IQCM: variants seen among roughly 807,000 people sequenced by gnomAD.
The protein encoded by IQCM is IQ motif containing M.
A neutral mutation model predicts 57.6 loss-of-function variants in IQCM; 45 were observed. That is an observed-to-expected ratio of 0.78 (90% confidence interval 0.62 to 1.00). The LOEUF is 1.00. Among genes scored for constraint, IQCM ranks in the 50% least tolerant of loss-of-function variants. The pLI is 0.00. For synonymous variants in IQCM, 148 were observed against 158.9 expected (o/e 0.93, Z 0.51); for missense variants, 468 against 511.6 (o/e 0.91, Z 0.82).
chr4:149,736,622 A>G (rs924468494), intron 3 of IQCM, among the ~76,000 whole-genome samples: 2 of 152,164 alleles, frequency 1.3e-5, no homozygotes, highest in African/African-American at 4.8e-5. Flanking sequence ...TCTTCATGTG[A>G]ATCAAAACTA....
chr4:149,613,808 G>T (rs902443363), intron 8 of IQCM, among the ~76,000 whole-genome samples: 4 of 152,094 alleles, frequency 2.6e-5, no homozygotes, highest in Admixed American at 6.6e-5. Flanking sequence ...CTATGAGTGA[G>T]AACATGCGGT....
At chr4:149,627,939 A>G (rs1238679589) in intron 7 of IQCM, among the ~76,000 whole-genome samples, 1 of 152,120 alleles carries the variant, frequency 6.6e-6, no homozygotes, top group Non-Finnish European at 1.5e-5. Context: ...AAGGGCTCAT[A>G]AGTCAAGGAA....
intron 12 of IQCM, among the ~76,000 whole-genome samples, chr4:149,533,276 T>G (rs1746934120): frequency 6.6e-6 from 1 of 151,942 alleles, no homozygotes; most frequent in African/African-American, 2.4e-5. Context: ...TTCTGACATA[T>G]AAAAAAGAAA....
At chr4:149,525,978 C>A (rs1388695582) in intron 12 of IQCM, among the ~76,000 whole-genome samples, 3 of 151,744 alleles carry the variant, frequency 2.0e-5, no homozygotes, top group Admixed American at 1.3e-4. Context: ...TGAAGAGCAA[C>A]TATATATCAC....
intron 7 of IQCM, among the ~76,000 whole-genome samples, chr4:149,658,556 G>C (rs957566719): frequency 6.6e-6 from 1 of 151,512 alleles, no homozygotes; most frequent in Non-Finnish European, 1.5e-5. Context: ...TATTTTCATA[G>C]GGTTGCTTCA....
At chr4:149,770,713 C>G (rs1323876034) in intron 2 of IQCM, among the ~76,000 whole-genome samples, 2 of 151,994 alleles carry the variant, frequency 1.3e-5, no homozygotes, top group Non-Finnish European at 2.9e-5. Flanking sequence ...ACAAGTTTGA[C>G]AAAATTCAAT....
At chr4:149,417,166 A>G (rs1733802300) in intron 13 of IQCM, among the ~76,000 whole-genome samples, 1 of 152,174 alleles carries the variant, frequency 6.6e-6, no homozygotes, top group Admixed American at 6.6e-5. Flanking sequence ...TCAAAACTCA[A>G]TTCAAGATTG....
chr4:149,741,648 G>A (rs998979124), intron 3 of IQCM, among the ~76,000 whole-genome samples: 2 of 152,204 alleles, frequency 1.3e-5, no homozygotes, highest in African/African-American at 2.4e-5. Flanking sequence ...CAGGAGCCAA[G>A]AGGAAGTAGC....
intron 11 of IQCM, 28 bp from the exon 12 acceptor site, chr4:149,548,617 TA>T (rs1748696167): frequency 7.9e-6 from 9 of 1,139,778 alleles, no homozygotes; most frequent in African/African-American, 4.8e-5. Flanking sequence ...TAAAAGAAAA[TA>T]TTTTTTTAAA....
rs564915394 is a variant in IQCM at position 149,403,311 on chromosome 4, T to C, written c.1390+30085A>G. On this transcript the variant is annotated intron_variant, in intron 13 of 13. Coordinates refer to ENST00000636793, the MANE Select transcript of IQCM (RefSeq NM_001363507.2). ...GGAATACAAATTATGTCCAAAGCAC[T>C]TACGTAGTTGGCAGAAGTATTTTCT... Among the ~76,000 whole-genome samples the C allele has an allele frequency of 2.6e-5, 4 of 152,110 alleles. No individual in the cohort carries two copies. The South Asian group carries it at 6.2e-4, about 24-fold the overall frequency.
chr4:149,445,546 T>A (rs951390102), intron 12 of IQCM, among the ~76,000 whole-genome samples: 1 of 151,814 alleles, frequency 6.6e-6, no homozygotes, highest in East Asian at 1.9e-4. Flanking sequence ...ACAGCCTCAC[T>A]TTCTGGTCAA....
Position 149,414,335 on chromosome 4 carries a change from G to A in IQCM, c.1390+19061C>T, listed in dbSNP as rs190060819. ...ATAAAAGATGATTTTGCCCAAAACC[G>A]ATGCCTCAAATTACCTCAGGAGTAA... On this transcript the variant is annotated intron_variant, in intron 13 of 13. Coordinates refer to ENST00000636793, the MANE Select transcript of IQCM (RefSeq NM_001363507.2). Among the ~76,000 whole-genome samples, 307 of 152,202 alleles carry A rather than the reference G, an allele frequency of 2.0e-3. 2 individuals carry two copies. The highest frequency in any genetic ancestry group is 0.014 in the Middle Eastern group (4 of 294).
chr4:149,383,993 A>T (rs770449534), intron 13 of IQCM, among the ~76,000 whole-genome samples: 1 of 152,114 alleles, frequency 6.6e-6, no homozygotes, highest in African/African-American at 2.4e-5. Context: ...CCTTTATTAG[A>T]TGTTCTTATA....
intron 8 of IQCM, among the ~76,000 whole-genome samples, chr4:149,605,740 A>G (rs372954172): frequency 3.3e-5 from 5 of 152,246 alleles, no homozygotes; most frequent in Admixed American, 1.3e-4. Flanking sequence ...ACATGACTCA[A>G]TGTGACACCA....
Position 149,620,377 on chromosome 4 carries a change from G to GA in IQCM, c.681+751dup, listed in dbSNP as rs374977714. On this transcript the variant is annotated intron_variant, in intron 8 of 13. Transcript: ENST00000636793. ...TAATAACAGCAAATGGCAAGTCCAG[G>GA]AAAAAAAAATCAGTGATATGAAAAG... 1.4e-3 allele frequency among the ~76,000 whole-genome samples: 205 copies of GA among 149,844 alleles called. 1 individual carries two copies. Among genetic ancestry groups the GA allele is most frequent in the African/African-American group, 4.2e-3 (171 of 40,774 alleles).
chr4:149,702,253 G>A (rs1390268589), intron 5 of IQCM, among the ~76,000 whole-genome samples: 1 of 150,066 alleles, frequency 6.7e-6, no homozygotes, highest in Non-Finnish European at 1.5e-5. Flanking sequence ...CACACCTGAC[G>A]ACTTCCTTCA....
At chr4:149,623,156 T>C (rs1201473729) in intron 7 of IQCM, among the ~76,000 whole-genome samples, 1 of 152,204 alleles carries the variant, frequency 6.6e-6, no homozygotes, top group Non-Finnish European at 1.5e-5. Context: ...TACACTTATT[T>C]GTTAATTTAA....
chr4:149,799,879 A>T (rs1419062073), intron 2 of IQCM, among the ~76,000 whole-genome samples: 3 of 151,158 alleles, frequency 2.0e-5, no homozygotes. Flanking sequence ...AAACAAAAAA[A>T]AACCCAGGAC....
chr4:149,545,609 C>A (rs1271818962), intron 12 of IQCM, among the ~76,000 whole-genome samples: 1 of 152,020 alleles, frequency 6.6e-6, no homozygotes, highest in East Asian at 1.9e-4. Context: ...TTGGTACACC[C>A]ATTATGTAAA....
Sources: allele counts gnomAD v4.1 joint callset (sites outside exome capture counted in the v4.1 genomes callset), GRCh38; gene constraint gnomAD v4.1.1; transcripts MANE v1.5; gene names NCBI Gene and HGNC (gene_info 2026-07-23, HGNC 2026-07-21).